The following ESRP1 variants were observed in gnomAD, a reference collection of about 807,000 sequenced individuals.
ESRP1 encodes the protein RNA-binding motif protein 35A.
Under a neutral mutation model 81.7 loss-of-function variants are expected in ESRP1, and 33 were observed. The observed-to-expected ratio is 0.40, with a 90% CI of 0.31 to 0.54. The LOEUF is 0.54. Ranked by LOEUF, ESRP1 falls within the 20% of genes least tolerant of loss-of-function variation. ESRP1 has a pLI of 0.41. For synonymous variants in ESRP1, 320 were observed against 303.3 expected (o/e 1.06, Z -0.57); for missense variants, 672 against 833.1 (o/e 0.81, Z 2.38).
At chr8:94,654,919 C>T (rs77802757) in intron 4 of ESRP1, among the ~76,000 whole-genome samples, 3 of 109,788 alleles carry the variant, frequency 2.7e-5, no homozygotes, top group African/African-American at 1.1e-4. Context: ...GATCCTGCCT[C>T]AAAAAAAAAA....
intron 13 of ESRP1, among the ~76,000 whole-genome samples, chr8:94,690,276 ATTTTTTTTTT>A (rs373440584): frequency 9.8e-5 from 6 of 61,338 alleles, no homozygotes; most frequent in African/African-American, 1.4e-4. Context: ...TGCCTGGCTA[ATTTTTTTTTT>A]TTTTTTTTTT....
intron 13 of ESRP1, among the ~76,000 whole-genome samples, chr8:94,679,119 A>G (rs1407618732): frequency 6.6e-6 from 1 of 152,198 alleles, no homozygotes; most frequent in African/African-American, 2.4e-5. Flanking sequence ...CCTGTCCAAT[A>G]CAGAATTTTC....
At position 94,664,705 on chromosome 8, in the gene ESRP1, T is replaced by C; in HGVS notation, c.653T>C (p.Met218Thr). ...YKFESGTCSK[M>T]ELIDDNTVVR... is the part of the protein sequence containing the mutation. ...TTTTGCTTCATCCACAGCAGCAAGA[T>C]GGAACTTATTGATGATAACACCGTA... Residue 218 changes from methionine to threonine, a missense_variant, in exon 7 of 16, where the codon ATG becomes ACG. Coordinates refer to ENST00000433389, the MANE Select transcript of ESRP1 (RefSeq NM_017697.4). The C allele has an allele frequency of 6.2e-7, 1 of 1,613,684 alleles. No individual in the cohort carries two copies. The highest frequency in any genetic ancestry group is 8.5e-7 in the Non-Finnish European group (1 of 1,179,610).
Position 94,665,190 on chromosome 8 carries a change from G to T in ESRP1, c.925G>T (p.Ala309Ser), listed in dbSNP as rs1442626562. The change falls in exon 9 of 16, where the codon GCT becomes TCT. Residue 309 changes from alanine (A) to serine (S), a missense_variant. By Grantham distance (99) the Ala-to-Ser change is moderately conservative. Coordinates refer to ENST00000433389, the MANE Select transcript of ESRP1 (RefSeq NM_017697.4). The stretch of plus-strand genomic sequence containing the variant: ...AACAGGTGAAGATTTCCTTAAAATT[G>T]CTGGTGGTAAGTGCCTTTTACATAA... ...KATGEDFLKI[A>S]GGTSNEVAQF... The T allele has an allele frequency of 5.0e-6, 8 of 1,612,618 alleles. No homozygotes were observed. The highest frequency in any genetic ancestry group is 5.9e-6 in the Non-Finnish European group (7 of 1,179,400).
At position 94,664,974 on chromosome 8, in the gene ESRP1, A is replaced by G. The variant is rs779735850; in HGVS notation, c.803A>G (p.Glu268Gly). Residue 268 changes from glutamate (E) to glycine (G), a missense_variant, in exon 8 of 16, where the codon GAA (glutamate) becomes GGA (glycine). Coordinates refer to ENST00000433389, the MANE Select transcript of ESRP1 (RefSeq NM_017697.4). ...CLNAQGRRNG[E>G]ALVRFVSEEH... ...AATGCTCAGGGTCGAAGGAACGGAG[A>G]AGCTCTGGTTAGGTTTGTAAGTGAG... 1.2e-6 allele frequency: 2 copies of G among 1,613,314 alleles called. No individual in the cohort carries two copies. The highest frequency in any genetic ancestry group is 4.5e-5 in the East Asian group (2 of 44,850).
intron 15 of ESRP1, chr8:94,705,647 C>T (rs1810040139): frequency 6.2e-6 from 2 of 321,200 alleles, no homozygotes; most frequent in Admixed American, 4.6e-5. Context: ...GGAAACCATA[C>T]ATGTTAAACT....
intron 11 of ESRP1, 67 bp downstream of exon 11, chr8:94,671,738 T>A (rs1819340948): frequency 2.1e-6 from 2 of 969,416 alleles, no homozygotes; most frequent in Admixed American, 5.3e-5. Flanking sequence ...TATCTAATAT[T>A]AGATATTAGA....
At chr8:94,704,263 T>C (rs6471464) in intron 15 of ESRP1, among the ~76,000 whole-genome samples, 103,677 of 149,938 alleles carry the variant, frequency 0.69, 37,295 homozygotes, top group African/African-American at 0.91. Flanking sequence ...ACTGGCCATA[T>C]GAAATAAGAC....
chr8:94,674,121 G>A (rs751696356), intron 11 of ESRP1, among the ~76,000 whole-genome samples, 187 bp from the exon 12 acceptor site: 5 of 152,208 alleles, frequency 3.3e-5, no homozygotes, highest in Non-Finnish European at 5.9e-5. Context: ...TAAAGGTTTT[G>A]TTGGCCATTC....
At chr8:94,699,367 G>A (rs1222016665) in intron 15 of ESRP1, among the ~76,000 whole-genome samples, 1 of 152,156 alleles carries the variant, frequency 6.6e-6, no homozygotes, top group Non-Finnish European at 1.5e-5. Flanking sequence ...CTGGCTAAGA[G>A]CAGTGGCTCA....
intron 2 of ESRP1, among the ~76,000 whole-genome samples, chr8:94,642,492 A>C (rs1817661930): frequency 6.6e-6 from 1 of 152,236 alleles, no homozygotes; most frequent in East Asian, 1.9e-4. Flanking sequence ...GTAGACGTGC[A>C]GGTGGGCCCG....
intron 12 of ESRP1, 80 bp downstream of exon 12, chr8:94,674,586 C>T: frequency 1.5e-6 from 2 of 1,342,278 alleles, no homozygotes; most frequent in Admixed American, 2.6e-5. Context: ...CTTTCTGTGC[C>T]CCTGGTTCTT....
At chr8:94,701,339 C>A (rs536818721) in intron 15 of ESRP1, among the ~76,000 whole-genome samples, 44 of 151,564 alleles carry the variant, frequency 2.9e-4, no homozygotes, top group African/African-American at 1.0e-3. Flanking sequence ...GTAAAGAAAG[C>A]TAACACCCAC....
intron 13 of ESRP1, among the ~76,000 whole-genome samples, chr8:94,683,091 T>C (rs1398390177): frequency 4.0e-5 from 6 of 150,784 alleles, no homozygotes; most frequent in Non-Finnish European, 8.9e-5. Context: ...TTTACAGGCA[T>C]GTGCCACCAT....
At chr8:94,682,191 A>G (rs1272094541) in intron 13 of ESRP1, among the ~76,000 whole-genome samples, 6 of 152,130 alleles carry the variant, frequency 3.9e-5, no homozygotes, top group Non-Finnish European at 8.8e-5. Flanking sequence ...TCATTACATC[A>G]AGCCCTACTT....
At chr8:94,684,357 C>T (rs973464016) in intron 13 of ESRP1, among the ~76,000 whole-genome samples, 4 of 152,154 alleles carry the variant, frequency 2.6e-5, no homozygotes, top group East Asian at 1.9e-4. Context: ...AGAAATCCAG[C>T]GTCCAGAGGT....
In ESRP1 at chr8:94,641,441, C is replaced by G. The variant is rs1379843376; in HGVS notation, c.123C>G (p.Ala41=). 1.2e-6 allele frequency: 2 copies of G among 1,613,782 alleles called. No homozygotes were observed. Among genetic ancestry groups the G allele is most frequent in the African/African-American group, 1.3e-5 (1 of 74,970 alleles). ...TGTTCTGGAAAGTCGTGGATCTGGCCAACAAGAAGGTATTTCTCCACATTT... is the reference window on the plus strand; with the variant it reads ...TGTTCTGGAAAGTCGTGGATCTGGCGAACAAGAAGGTATTTCTCCACATTT... ...ILLFWKVVDL[A]NKKVGQLHEV... Residue 41 remains alanine (A), a synonymous_variant, in exon 1 of 16, where the codon GCC becomes GCG. Coordinates refer to ENST00000433389, the MANE Select transcript of ESRP1 (RefSeq NM_017697.4).
At chr8:94,664,141 T>TTTG (rs138058879) in intron 6 of ESRP1, among the ~76,000 whole-genome samples, 14 of 124,586 alleles carry the variant, frequency 1.1e-4, no homozygotes, top group Admixed American at 1.7e-4. Context: ...TTTTTTTTTT[T>TTTG]GAGAGGGAGT....
rs58359551 is a variant in ESRP1 at position 94,689,811 on chromosome 8, C to CTTTT, written c.1821-2844_1821-2841dup. Among the ~76,000 whole-genome samples, 192 of 64,608 alleles carry CTTTT rather than the reference C, an allele frequency of 3.0e-3. 11 individuals are homozygous for CTTTT. The highest frequency in any genetic ancestry group is 7.8e-3 in the Middle Eastern group (1 of 128). 42.4% of individuals were successfully genotyped at this position (64,608 alleles called of 152,430 possible). On this transcript the variant is annotated intron_variant, in intron 13 of 15. Coordinates refer to ENST00000433389, the MANE Select transcript of ESRP1 (RefSeq NM_017697.4). ...CACAGGCATGTGCTATGATGCCTGG[C>CTTTT]TTTTTTTTTTTTTTTTTTTTTTTTT...
Sources: gnomAD v4.1 joint callset for allele counts (sites outside exome capture counted in the v4.1 genomes callset) on GRCh38, gnomAD v4.1.1 for gene constraint, MANE v1.5 for transcripts, NCBI Gene and HGNC (gene_info 2026-07-23, HGNC 2026-07-21) for gene names.